Variants in C8orf34 observed in about 807,000 individuals in gnomAD.
The protein encoded by C8orf34 is chromosome 8 open reading frame 34, also known as uncharacterized protein C8orf34.
A neutral mutation model predicts 68.3 loss-of-function variants in C8orf34; 65 were observed. The ratio of observed to expected loss-of-function variants is 0.95; its 90% CI spans 0.78 to 1.17. The LOEUF (loss-of-function observed/expected upper bound fraction) is 1.17, where lower values mean the gene tolerates loss of function less well. Ranked by LOEUF, C8orf34 falls within the 50% of genes most tolerant of loss-of-function variation. The pLI is 0.00. For missense variants in C8orf34, 664 were observed against 655.4 expected (o/e 1.01, Z -0.14); for synonymous variants, 244 against 241.2 (o/e 1.01, Z -0.11).
chr8:68,457,436 A>C (rs1029870373), intron 3 of C8orf34, among the ~76,000 whole-genome samples: 3 of 152,152 alleles, frequency 2.0e-5, no homozygotes, highest in Non-Finnish European at 4.4e-5. Flanking sequence ...ACTTGGGGAG[A>C]ACTTTCAGAT....
chr8:68,476,240 G>A (rs1812612304), intron 4 of C8orf34, among the ~76,000 whole-genome samples: 1 of 152,180 alleles, frequency 6.6e-6, no homozygotes, highest in African/African-American at 2.4e-5. Flanking sequence ...GTGGAGACAG[G>A]TTTGGAAATC....
chr8:68,753,909 T>C (rs1271384403), intron 10 of C8orf34, among the ~76,000 whole-genome samples: 4 of 152,100 alleles, frequency 2.6e-5, no homozygotes, highest in Non-Finnish European at 4.4e-5. Context: ...TGGCCAGGAA[T>C]AGAGTCACAG....
chr8:68,712,932 G>T (rs1350338978), intron 9 of C8orf34, among the ~76,000 whole-genome samples: 1 of 152,000 alleles, frequency 6.6e-6, no homozygotes, highest in East Asian at 1.9e-4. Context: ...CACACAACAA[G>T]TATCAGTAAA....
intron 8 of C8orf34, among the ~76,000 whole-genome samples, chr8:68,655,572 G>A (rs1819487657): frequency 6.6e-6 from 1 of 152,072 alleles, no homozygotes. Flanking sequence ...ATGCTTTCTT[G>A]CAATGCTGGG....
At chr8:68,610,518 A>C (rs1817984537) in intron 7 of C8orf34, among the ~76,000 whole-genome samples, 1 of 152,184 alleles carries the variant, frequency 6.6e-6, no homozygotes, top group Admixed American at 6.6e-5. Context: ...ATGTAATCAT[A>C]TTTGAACTTA....
intron 8 of C8orf34, among the ~76,000 whole-genome samples, chr8:68,676,968 G>A (rs558061844): frequency 9.2e-5 from 14 of 152,206 alleles, no homozygotes; most frequent in Non-Finnish European, 1.8e-4. Flanking sequence ...AGAAGAGCAC[G>A]GGAAAGACCC....
intron 7 of C8orf34, among the ~76,000 whole-genome samples, chr8:68,560,852 T>C (rs1816401849): frequency 6.6e-6 from 1 of 152,302 alleles, no homozygotes. Context: ...TACACTACTG[T>C]AGACTCTGTA....
intron 3 of C8orf34, 63 bp downstream of exon 3, chr8:68,446,523 A>G: frequency 6.5e-7 from 1 of 1,531,720 alleles, no homozygotes; most frequent in African/African-American, 1.4e-5. Context: ...TAAGAAAATG[A>G]AGAAAAGGTA....
At chr8:68,473,872 G>A (rs1351052652) in intron 4 of C8orf34, among the ~76,000 whole-genome samples, 7 of 152,056 alleles carry the variant, frequency 4.6e-5, no homozygotes, top group Non-Finnish European at 7.4e-5. Context: ...AAATTTCTCT[G>A]GTAGTTGTAA....
At chr8:68,507,705 A>C (rs1268305651) in intron 5 of C8orf34, among the ~76,000 whole-genome samples, 1 of 152,178 alleles carries the variant, frequency 6.6e-6, no homozygotes, top group East Asian at 1.9e-4. Flanking sequence ...ACTGTAGAAA[A>C]CTGGGGGCCC....
chr8:68,804,305 TTC>T lies in C8orf34; in HGVS notation c.1550-11579_1550-11578del, dbSNP rs1266027287. Among the ~76,000 whole-genome samples the T allele has an allele frequency of 3.9e-5, 6 of 152,324 alleles. No homozygotes were observed. In the East Asian group the frequency reaches 1.2e-3, roughly 29 times the overall value. On this transcript the variant is annotated intron_variant, in intron 12 of 13. Coordinates refer to ENST00000518698, the MANE Select transcript of C8orf34 (RefSeq NM_052958.4). ...GAGGACAGATAGCAGATGTTACTTA[TTC>T]TGTACTTTTCGGAGCATCTTGGCTA...
At chr8:68,421,368 C>T (rs1333141732) in intron 1 of C8orf34, among the ~76,000 whole-genome samples, 3 of 152,130 alleles carry the variant, frequency 2.0e-5, no homozygotes, top group Non-Finnish European at 4.4e-5. Context: ...GGCTTACAAC[C>T]TGGAACTACC....
chr8:68,662,470 TG>T (rs1563593608), intron 8 of C8orf34, among the ~76,000 whole-genome samples: 1 of 152,168 alleles, frequency 6.6e-6, no homozygotes, highest in African/African-American at 2.4e-5. Context: ...AATTGAATCA[TG>T]GGGGAAGTTT....
chr8:68,631,695 G>A (rs570166983), intron 7 of C8orf34, among the ~76,000 whole-genome samples: 18 of 152,226 alleles, frequency 1.2e-4, no homozygotes, highest in African/African-American at 4.1e-4. Context: ...ATTAAATCAT[G>A]GGAGTGGTTT....
chr8:68,727,641 G>A (rs958368976), intron 10 of C8orf34, among the ~76,000 whole-genome samples: 10 of 152,210 alleles, frequency 6.6e-5, no homozygotes, highest in Admixed American at 5.2e-4. Context: ...TATATCTTCC[G>A]AAATCTAGGC....
chr8:68,721,732 C>T (rs1349683171), intron 10 of C8orf34, among the ~76,000 whole-genome samples: 2 of 151,862 alleles, frequency 1.3e-5, no homozygotes, highest in Non-Finnish European at 2.9e-5. Flanking sequence ...TTTGCATATC[C>T]TGAAAGTTTA....
intron 10 of C8orf34, among the ~76,000 whole-genome samples, chr8:68,762,974 T>C (rs1205492337): frequency 6.6e-6 from 1 of 152,196 alleles, no homozygotes; most frequent in East Asian, 1.9e-4. Context: ...AATGAAGCAT[T>C]GGAATTGTGG....
intron 7 of C8orf34, among the ~76,000 whole-genome samples, chr8:68,560,715 G>T (rs113546755): frequency 5.5e-4 from 83 of 152,168 alleles, no homozygotes; most frequent in Non-Finnish European, 8.1e-4. Context: ...AGTAAAAAAT[G>T]GTATGCAAGA....
At chr8:68,744,080 A>G (rs1468077208) in intron 10 of C8orf34, among the ~76,000 whole-genome samples, 2 of 152,008 alleles carry the variant, frequency 1.3e-5, no homozygotes, top group Non-Finnish European at 2.9e-5. Flanking sequence ...CTGACCCCTG[A>G]CCCCCAAGCA....
Sources: gnomAD v4.1 joint callset for allele counts (sites outside exome capture counted in the v4.1 genomes callset) on GRCh38, gnomAD v4.1.1 for gene constraint, MANE v1.5 for transcripts, NCBI Gene and HGNC (gene_info 2026-07-23, HGNC 2026-07-21) for gene names.